The following NIPBL variants were observed in gnomAD, a reference collection of about 807,000 sequenced individuals.
NIPBL encodes nipped-B-like protein.
In NIPBL, 19 loss-of-function variants were observed where a neutral mutation model predicts 321.8. The observed-to-expected ratio is 0.06, with a 90% confidence interval of 0.04 to 0.09. The LOEUF is 0.09. NIPBL is among the 10% of genes least tolerant of loss of function. NIPBL has a pLI of 1.00. For missense variants in NIPBL, 2,210 were observed against 3,327.0 expected (o/e 0.66, Z 8.26); for synonymous variants, 1,106 against 1,114.1 (o/e 0.99, Z 0.14).
chr5:36,937,613 A>C (rs866326589), intron 1 of NIPBL, among the ~76,000 whole-genome samples: 7 of 152,276 alleles, frequency 4.6e-5, no homozygotes, highest in African/African-American at 1.7e-4. Context: ...TTTTTTAGGA[A>C]TGCTATTAAG....
intron 1 of NIPBL, among the ~76,000 whole-genome samples, chr5:36,890,766 A>C (rs1302286775): frequency 6.6e-6 from 1 of 152,240 alleles, no homozygotes; most frequent in Non-Finnish European, 1.5e-5. Context: ...TGCAGAAATA[A>C]AGTGGTAAGG....
intron 15 of NIPBL, 147 bp from the exon 16 acceptor site, chr5:37,003,114 G>T: frequency 1.8e-6 from 1 of 553,148 alleles, no homozygotes; most frequent in Non-Finnish European, 3.2e-6. Context: ...TTGAGTAGAA[G>T]TTCTAAGTGG....
At chr5:37,063,660 C>A in intron 45 of NIPBL, 130 bp from the exon 46 acceptor site, 1 of 846,620 alleles carries the variant, frequency 1.2e-6, no homozygotes, top group Non-Finnish European at 1.8e-6. Context: ...GTTTACTAGC[C>A]CCTAATTTAG....
intron 9 of NIPBL, among the ~76,000 whole-genome samples, chr5:36,983,808 TTG>T (rs1157624100): frequency 6.6e-6 from 1 of 151,952 alleles, no homozygotes. Context: ...GAATTTGTGT[TTG>T]TGTGTGTGTT....
At chr5:37,024,342 CTT>C (rs755291937) in intron 29 of NIPBL, among the ~76,000 whole-genome samples, 5 of 152,054 alleles carry the variant, frequency 3.3e-5, no homozygotes, top group Non-Finnish European at 7.4e-5. Flanking sequence ...TACTTCTAGT[CTT>C]GTGTCCAGGG....
intron 32 of NIPBL, among the ~76,000 whole-genome samples, chr5:37,033,943 A>G (rs1441173666): frequency 6.6e-6 from 1 of 151,618 alleles, no homozygotes; most frequent in Non-Finnish European, 1.5e-5. Flanking sequence ...TAAAAGATTG[A>G]AGAAAGTGAA....
rs763144789 is a variant in NIPBL at position 37,012,456 on chromosome 5, ATTTTTTTTTTT to A, written c.4561-2212_4561-2202del. On this transcript the variant is annotated intron_variant, in intron 21 of 46. Coordinates refer to ENST00000282516, the MANE Select transcript of NIPBL (RefSeq NM_133433.4). The stretch of plus-strand genomic sequence containing the variant: ...TATTGAATATTAGATTCTTTCTCCA[ATTTTTTTTTTT>A]TTTTTTTTTTTTTTATTCATTCTTG... Among the ~76,000 whole-genome samples the A allele has an allele frequency of 1.4e-3, 145 of 107,204 alleles. 6 individuals carry two copies. Among genetic ancestry groups the A allele is most frequent in the Admixed American group, 9.7e-3 (101 of 10,404 alleles). The allele number at this position is 107,204 out of a possible 152,430, so 70.3% of individuals were successfully genotyped here. A position where few individuals can be genotyped will look rare whatever the true frequency, so the allele number is the denominator to read the frequency against.
At chr5:37,019,444 T>A in intron 25 of NIPBL, 44 bp downstream of exon 25, 2 of 1,433,350 alleles carry the variant, frequency 1.4e-6, no homozygotes, top group Non-Finnish European at 9.8e-7. Context: ...CATGTTTATT[T>A]AAATTGGGTT....
rs770815944 is a variant in NIPBL, at chr5:36,953,602, G to A, written c.-79-16G>A. Reference sequence around the variant, plus strand: ...GACATATCTCTACAAATAATTGTCTGTTTTGTGTGTTGCAGTGTTTGGGAA... The same window carrying A: ...GACATATCTCTACAAATAATTGTCTATTTTGTGTGTTGCAGTGTTTGGGAA... On this transcript the variant is annotated splice_polypyrimidine_tract_variant and intron_variant, in intron 1 of 46. Transcript: ENST00000282516. 4 of 947,124 alleles carry A rather than the reference G, an allele frequency of 4.2e-6. No individual in the cohort carries two copies. The highest frequency in any genetic ancestry group is 7.0e-6 in the Non-Finnish European group (4 of 571,858). The allele number at this position is 947,124 out of a possible 1,614,324, so 58.7% of individuals were successfully genotyped here. A position where few individuals can be genotyped will look rare whatever the true frequency, so the allele number is the denominator to read the frequency against.
intron 1 of NIPBL, among the ~76,000 whole-genome samples, chr5:36,934,629 A>G (rs958173913): frequency 6.6e-6 from 1 of 152,212 alleles, no homozygotes; most frequent in Non-Finnish European, 1.5e-5. Context: ...CATTTTAGAA[A>G]TATTTGAGCA....
At chr5:37,029,718 A>G (rs1035225590) in intron 32 of NIPBL, among the ~76,000 whole-genome samples, 1 of 152,136 alleles carries the variant, frequency 6.6e-6, no homozygotes, top group African/African-American at 2.4e-5. Context: ...AGTTCTCATT[A>G]TTGTCACTTT....
At chr5:36,936,243 T>C (rs1474897321) in intron 1 of NIPBL, among the ~76,000 whole-genome samples, 1 of 152,166 alleles carries the variant, frequency 6.6e-6, no homozygotes, top group African/African-American at 2.4e-5. Flanking sequence ...TAATACTGAT[T>C]TTTGAGTATA....
At chr5:36,906,781 A>C (rs991555446) in intron 1 of NIPBL, among the ~76,000 whole-genome samples, 4 of 152,188 alleles carry the variant, frequency 2.6e-5, no homozygotes, top group Admixed American at 6.5e-5. Context: ...AAGGGCACCA[A>C]ATTGAAGAAT....
intron 34 of NIPBL, among the ~76,000 whole-genome samples, 197 bp from the exon 35 acceptor site, chr5:37,044,150 A>G (rs1045540676): frequency 6.6e-6 from 1 of 152,092 alleles, no homozygotes; most frequent in African/African-American, 2.4e-5. Flanking sequence ...CATTTTGGTA[A>G]GTTAGTTGTC....
At chr5:37,029,862 A>C (rs1042167306) in intron 32 of NIPBL, among the ~76,000 whole-genome samples, 2 of 152,148 alleles carry the variant, frequency 1.3e-5, no homozygotes. Flanking sequence ...CTTTCATTTC[A>C]TATTTTTACA....
chr5:36,876,811 CA>C lies in NIPBL; in HGVS notation c.-446del. Reference sequence around the variant, plus strand: ...AGAGACGGAACGAGAGAGAGACACACACAGGGCTCCTTCCCCCCGCCCTCCC... The same window carrying C: ...AGAGACGGAACGAGAGAGAGACACACCAGGGCTCCTTCCCCCCGCCCTCCC... On this transcript the variant is annotated 5_prime_UTR_variant, in exon 1 of 47. Coordinates refer to ENST00000282516, the MANE Select transcript of NIPBL (RefSeq NM_133433.4). The C allele has an allele frequency of 2.5e-6, 1 of 397,088 alleles. No homozygotes were observed. Among genetic ancestry groups the C allele is most frequent in the Non-Finnish European group, 4.4e-6 (1 of 224,978 alleles). 24.6% of individuals were successfully genotyped at this position (397,088 alleles called of 1,614,324 possible). A position where few individuals can be genotyped will look rare whatever the true frequency, so the allele number is the denominator to read the frequency against.
intron 1 of NIPBL, among the ~76,000 whole-genome samples, chr5:36,911,951 G>A (rs1028979681): frequency 7.9e-5 from 12 of 152,114 alleles, no homozygotes; most frequent in African/African-American, 2.2e-4. Context: ...ACCTTTTTCC[G>A]TACTTGAAGA....
intron 25 of NIPBL, among the ~76,000 whole-genome samples, chr5:37,019,986 A>G (rs566223707): frequency 4.5e-4 from 69 of 152,346 alleles, no homozygotes; most frequent in African/African-American, 1.6e-3. Context: ...TTTGTATTCA[A>G]AGGAACAGAT....
chr5:36,985,751 A>G lies in NIPBL; in HGVS notation c.2571A>G (p.Lys857=). 1 of 1,613,934 alleles carries G rather than the reference A, an allele frequency of 6.2e-7. No homozygotes were observed. Residue 857 remains lysine (K), a synonymous_variant, in exon 10 of 47, where the codon AAA becomes AAG. Coordinates refer to ENST00000282516, the MANE Select transcript of NIPBL (RefSeq NM_133433.4). Reference sequence around the variant, plus strand: ...CTAGTAGAAATGAACATGGCATTAAATCTGATAGTTCAAAAACTGATAAAC... The same window carrying G: ...CTAGTAGAAATGAACATGGCATTAAGTCTGATAGTTCAAAAACTGATAAAC... The part of the protein sequence containing the change: ...RSSSRNEHGI[K]SDSSKTDKLE...
Sources: gnomAD v4.1 joint callset for allele counts (sites outside exome capture counted in the v4.1 genomes callset) on GRCh38, gnomAD v4.1.1 for gene constraint, MANE v1.5 for transcripts, NCBI Gene and HGNC (gene_info 2026-07-23, HGNC 2026-07-21) for gene names.